The following POFUT3 variants were observed in gnomAD, a reference collection of about 807,000 sequenced individuals.
POFUT3 encodes the protein GDP-fucose protein O-fucosyltransferase 3.
chr8:33,348,997 G>A, the POFUT3 span, among the ~76,000 whole-genome samples: 5 of 152,298 alleles, frequency 3.3e-5, no homozygotes, highest in African/African-American at 1.2e-4. Flanking sequence ...AAATACATTG[G>A]AAAAAGACTG....
At chr8:33,425,422 T>C in the POFUT3 span, among the ~76,000 whole-genome samples, 1 of 152,110 alleles carries the variant, frequency 6.6e-6, no homozygotes, top group South Asian at 2.1e-4. Context: ...AAAGAAGTCT[T>C]CTTGGAAGTG....
the POFUT3 span, among the ~76,000 whole-genome samples, chr8:33,433,400 C>A: frequency 6.6e-6 from 1 of 151,918 alleles, no homozygotes; most frequent in Non-Finnish European, 1.5e-5. Context: ...CACCTGAGGT[C>A]AGGAGTTCAA....
the POFUT3 span, among the ~76,000 whole-genome samples, chr8:33,429,624 G>A: frequency 6.6e-6 from 1 of 151,926 alleles, no homozygotes; most frequent in Non-Finnish European, 1.5e-5. Flanking sequence ...GACACAAAAA[G>A]CCGAGGAAGA....
chr8:33,427,430 T>C, the POFUT3 span, among the ~76,000 whole-genome samples: 1 of 151,512 alleles, frequency 6.6e-6, no homozygotes, highest in Non-Finnish European at 1.5e-5. Context: ...ATGCAAAAAA[T>C]TAGCTGGGCA....
chr8:33,470,236 CAAAAAA>C, the POFUT3 span, among the ~76,000 whole-genome samples: 1 of 89,112 alleles, frequency 1.1e-5, no homozygotes, highest in Non-Finnish European at 2.2e-5. Context: ...CCCATCTCTA[CAAAAAA>C]AAAAAAAAAA....
At chr8:33,309,022 G>A in the POFUT3 span, among the ~76,000 whole-genome samples, 1 of 150,372 alleles carries the variant, frequency 6.7e-6, no homozygotes, top group South Asian at 2.1e-4. Context: ...AGCCCAGGCT[G>A]TTGCTTCCCA....
the POFUT3 span, among the ~76,000 whole-genome samples, chr8:33,454,537 T>G: frequency 3.9e-5 from 6 of 152,142 alleles, no homozygotes; most frequent in Non-Finnish European, 7.3e-5. Flanking sequence ...TATTCACAGG[T>G]TTCAGGGATC....
At chr8:33,467,060 C>G in the POFUT3 span, among the ~76,000 whole-genome samples, 1 of 151,534 alleles carries the variant, frequency 6.6e-6, no homozygotes, top group Admixed American at 6.6e-5. Flanking sequence ...GACCTGAGAT[C>G]GTACCACTGC....
chr8:33,461,191 A>AGAG, the POFUT3 span, among the ~76,000 whole-genome samples: 5 of 26,326 alleles, frequency 1.9e-4, no homozygotes, highest in African/African-American at 4.7e-4. Flanking sequence ...GGAAGGAAGG[A>AGAG]AGGGAGGGAG....
the POFUT3 span, among the ~76,000 whole-genome samples, chr8:33,339,372 C>T: frequency 2.6e-5 from 4 of 152,230 alleles, no homozygotes; most frequent in East Asian, 7.7e-4. Context: ...AAACATTAGA[C>T]ATTGCCCAAA....
the POFUT3 span, among the ~76,000 whole-genome samples, chr8:33,462,328 T>C: frequency 6.6e-6 from 1 of 152,092 alleles, no homozygotes. Flanking sequence ...CATTCCCTTC[T>C]AAGTTTCAAA....
At chr8:33,417,099 C>A in the POFUT3 span, among the ~76,000 whole-genome samples, 1 of 152,252 alleles carries the variant, frequency 6.6e-6, no homozygotes, top group African/African-American at 2.4e-5. Context: ...CTGAGCTCCG[C>A]CTCCTGTCAG....
the POFUT3 span, among the ~76,000 whole-genome samples, chr8:33,331,768 C>T: frequency 6.6e-6 from 1 of 151,966 alleles, no homozygotes; most frequent in Non-Finnish European, 1.5e-5. Flanking sequence ...CTCCGCCTCC[C>T]GGGTTCACGC....
chr8:33,439,887 A>C, the POFUT3 span, among the ~76,000 whole-genome samples: 1 of 151,962 alleles, frequency 6.6e-6, no homozygotes, highest in South Asian at 2.1e-4. Flanking sequence ...AAAAACGAAA[A>C]AGAATATATC....
the POFUT3 span, among the ~76,000 whole-genome samples, chr8:33,425,622 C>T: frequency 2.0e-5 from 3 of 151,800 alleles, no homozygotes; most frequent in East Asian, 3.9e-4. Context: ...AGGAAGGAGC[C>T]GCAAAAGGGG....
At chr8:33,399,034 T>TTTG in the POFUT3 span, among the ~76,000 whole-genome samples, 10 of 151,922 alleles carry the variant, frequency 6.6e-5, no homozygotes, top group Admixed American at 2.0e-4. Context: ...TTTTTCTAGT[T>TTTG]TTGTTGTTGT....
the POFUT3 span, among the ~76,000 whole-genome samples, chr8:33,399,556 T>C: frequency 5.9e-5 from 9 of 152,134 alleles, no homozygotes; most frequent in African/African-American, 2.2e-4. Flanking sequence ...TAATGCTTAA[T>C]AGCAAAAAAT....
At chr8:33,351,398 T>C in the POFUT3 span, among the ~76,000 whole-genome samples, 2 of 152,194 alleles carry the variant, frequency 1.3e-5, no homozygotes, top group East Asian at 3.9e-4. Context: ...TAGGAGCAGA[T>C]CTCTCATGAT....
the POFUT3 span, among the ~76,000 whole-genome samples, chr8:33,465,866 T>C: frequency 3.9e-5 from 6 of 152,118 alleles, no homozygotes; most frequent in Non-Finnish European, 7.3e-5. Flanking sequence ...TGAAGGAACA[T>C]AGTGACAGCT....
Sources: gnomAD v4.1 joint callset for allele counts (sites outside exome capture counted in the v4.1 genomes callset) on GRCh38, gnomAD v4.1.1 for gene constraint, MANE v1.5 for transcripts, NCBI Gene and HGNC (gene_info 2026-07-23, HGNC 2026-07-21) for gene names.